Variants in DPP4 observed in about 807,000 individuals in gnomAD.
DPP4 encodes dipeptidyl peptidase 4.
In DPP4, 93 loss-of-function variants were observed where a neutral mutation model predicts 122.4. The observed-to-expected ratio is 0.76, with a 90% CI of 0.64 to 0.90. The LOEUF (loss-of-function observed/expected upper bound fraction) is 0.90, where lower values mean the gene tolerates loss of function less well. DPP4 is among the 40% of genes least tolerant of loss of function. The pLI, the probability that DPP4 is intolerant of heterozygous loss-of-function variation, is 0.00. For synonymous variants in DPP4, 321 were observed against 302.9 expected, an observed-to-expected ratio of 1.06 and a Z score of -0.62; for missense variants, 914 against 907.3, an observed-to-expected ratio of 1.01 and a Z score of -0.09.
intron 5 of DPP4, among the ~76,000 whole-genome samples, chr2:162,040,875 G>A (rs1683960034): frequency 6.6e-6 from 1 of 151,892 alleles, no homozygotes; most frequent in African/African-American, 2.4e-5. Context: ...GGAACTCTCT[G>A]CTTATTTTCT....
chr2:162,025,601 A>C (rs942872108), intron 10 of DPP4, among the ~76,000 whole-genome samples: 2 of 152,176 alleles, frequency 1.3e-5, no homozygotes, highest in African/African-American at 2.4e-5. Flanking sequence ...TCCCCAACAC[A>C]TACTTAAAAA....
chr2:161,995,569 G>T (rs4140685), intron 23 of DPP4, among the ~76,000 whole-genome samples, 197 bp from the exon 24 acceptor site: 53,280 of 152,082 alleles, frequency 0.35, 9,667 homozygotes, highest in East Asian at 0.65. Flanking sequence ...GACAGGACTG[G>T]AAGGGAGGAT....
Position 162,020,849 on chromosome 2 carries a change from A to G in DPP4, c.1069-161T>C, listed in dbSNP as rs144378234. 1.2e-3 allele frequency among the ~76,000 whole-genome samples: 176 copies of G among 152,358 alleles called. 1 individual carries two copies. The highest frequency in any genetic ancestry group is 4.1e-3 in the African/African-American group (169 of 41,576). ...GTCTCAAAAAGAAAATTATCTTTCT[A>G]TAAAATGTGAACAAAAACACCATAC... On this transcript the variant is annotated intron_variant, in intron 12 of 25. Transcript: ENST00000360534.
chr2:161,994,816 C>A (rs906688485), intron 25 of DPP4, 145 bp downstream of exon 25: 1 of 671,162 alleles, frequency 1.5e-6, no homozygotes, highest in Non-Finnish European at 2.6e-6. Context: ...CTGAAGGATA[C>A]CACTCTTCTG....
intron 1 of DPP4, among the ~76,000 whole-genome samples, 193 bp downstream of exon 1, chr2:162,073,778 CCAGGG>C: frequency 2.4e-5 from 2 of 84,206 alleles, no homozygotes. Context: ...AAGCTCGACG[CCAGGG>C]TCCTAGCAGA....
intron 15 of DPP4, 44 bp from the exon 16 acceptor site, chr2:162,018,894 A>G: frequency 6.2e-7 from 1 of 1,610,530 alleles, no homozygotes; most frequent in South Asian, 1.1e-5. Flanking sequence ...AGAAAAGATA[A>G]GTGAGAGGAA....
At chr2:162,045,317 G>A (rs1684133802) in intron 5 of DPP4, among the ~76,000 whole-genome samples, 1 of 151,990 alleles carries the variant, frequency 6.6e-6, no homozygotes, top group South Asian at 2.1e-4. Flanking sequence ...TATTAACTGT[G>A]CTTTCTAGTA....
At chr2:162,047,946 T>TA (rs1242746357) in intron 2 of DPP4, among the ~76,000 whole-genome samples, 2 of 152,204 alleles carry the variant, frequency 1.3e-5, no homozygotes, top group African/African-American at 4.8e-5. Context: ...TTTTTCATTC[T>TA]AACTCTCAAA....
intron 23 of DPP4, among the ~76,000 whole-genome samples, chr2:162,001,080 A>T (rs1701135321): frequency 6.6e-6 from 1 of 152,162 alleles, no homozygotes; most frequent in African/African-American, 2.4e-5. Flanking sequence ...CCATCTTCCG[A>T]AATCTTTCTC....
intron 2 of DPP4, among the ~76,000 whole-genome samples, chr2:162,048,835 T>A (rs1684282311): frequency 6.6e-6 from 1 of 152,224 alleles, no homozygotes. Flanking sequence ...GGCCATGTAG[T>A]CTTTGAAGAC....
At chr2:162,016,661 A>G in intron 18 of DPP4, 107 bp downstream of exon 18, 2 of 659,286 alleles carry the variant, frequency 3.0e-6, no homozygotes, top group Non-Finnish European at 2.4e-6. Context: ...AACCTTTTAA[A>G]TTAGATTTAT....
chr2:162,009,100 T>A (rs1559707085), intron 21 of DPP4, 141 bp downstream of exon 21: 2 of 818,418 alleles, frequency 2.4e-6, no homozygotes, highest in Non-Finnish European at 2.0e-6. Context: ...CAGTGGAGAT[T>A]CTGCAGAGTT....
At position 162,033,764 on chromosome 2, in the gene DPP4, C is replaced by T. The variant is rs925548509; in HGVS notation, c.775-111G>A. ...CTGCATTATGGTCATAAAATTATCA[C>T]AATCAGACATGTTCCAACAATTTAA... On this transcript the variant is annotated intron_variant, in intron 9 of 25. Coordinates refer to ENST00000360534, the MANE Select transcript of DPP4 (RefSeq NM_001935.4). 4.7e-6 allele frequency: 3 copies of T among 644,982 alleles called. No individual in the cohort carries two copies. The African/African-American group carries it at 5.6e-5, about 12-fold the overall frequency. The allele number at this position is 644,982 out of a possible 1,614,324, so 40.0% of individuals were successfully genotyped here. A position where few individuals can be genotyped will look rare whatever the true frequency, so the allele number is the denominator to read the frequency against.
chr2:162,044,062 C>T (rs909766577), intron 5 of DPP4, among the ~76,000 whole-genome samples: 1 of 152,068 alleles, frequency 6.6e-6, no homozygotes, highest in African/African-American at 2.4e-5. Context: ...TCTGGCTTTA[C>T]CCCAGAAACC....
At position 162,045,576 on chromosome 2, in the gene DPP4, A is replaced by C. The variant is rs202034264; in HGVS notation, c.322T>G (p.Ser108Ala). ...AAGAGAATAAACTGCCCATCAGGAG[A>C]TATTGAATAATCATTGATAGAATGT... is the stretch of plus-strand genomic sequence containing the variant. ...FGHSINDYSI[S>A]PDGQFILLEY... Residue 108 changes from serine (S) to alanine (A), a missense_variant, in exon 5 of 26, where the codon TCT (serine) becomes GCT (alanine). Coordinates refer to ENST00000360534, the MANE Select transcript of DPP4 (RefSeq NM_001935.4). The C allele has an allele frequency of 3.9e-5, 63 of 1,612,718 alleles. No individual in the cohort carries two copies. Among genetic ancestry groups the C allele is most frequent in the Non-Finnish European group, 5.3e-5 (62 of 1,179,068 alleles).
chr2:162,033,746 A>G (rs1683654356), intron 9 of DPP4, 93 bp from the exon 10 acceptor site: 3 of 742,772 alleles, frequency 4.0e-6, no homozygotes, highest in Admixed American at 5.9e-5. Flanking sequence ...CGTCTGCATT[A>G]TGGTCATAAA....
intron 15 of DPP4, 148 bp downstream of exon 15, chr2:162,019,075 C>T (rs1457062357): frequency 1.1e-6 from 1 of 910,982 alleles, no homozygotes; most frequent in East Asian, 2.4e-5. Context: ...CTCTTGTGGA[C>T]ATGTAGATTG....
At chr2:162,073,690 A>G (rs576529555) in intron 1 of DPP4, 16 of 659,886 alleles carry the variant, frequency 2.4e-5, no homozygotes, top group Non-Finnish European at 3.7e-5. Flanking sequence ...TTGTGCCTTC[A>G]GAGCACATTA....
intron 14 of DPP4, among the ~76,000 whole-genome samples, chr2:162,019,659 A>C (rs1683050771): frequency 6.6e-6 from 1 of 152,136 alleles, no homozygotes; most frequent in Non-Finnish European, 1.5e-5. Context: ...AGATGGCAGG[A>C]GCCCCATGTT....
Sources: gnomAD v4.1 joint callset for allele counts (sites outside exome capture counted in the v4.1 genomes callset) on GRCh38, gnomAD v4.1.1 for gene constraint, MANE v1.5 for transcripts, NCBI Gene and HGNC (gene_info 2026-07-23, HGNC 2026-07-21) for gene names.